The following RBMS3 variants were observed in gnomAD, a reference collection of about 807,000 sequenced individuals.
RBMS3 encodes RNA binding motif single stranded interacting protein 3, also known as RNA-binding motif, single-stranded-interacting protein 3.
RBMS3 carries 27 observed loss-of-function variants against 66.8 expected under a neutral mutation model. That is an observed-to-expected ratio of 0.40 (90% CI 0.30 to 0.56). RBMS3 has a LOEUF of 0.56. Ranked by LOEUF, RBMS3 falls within the 20% of genes least tolerant of loss-of-function variation. The pLI is 0.40. For missense variants in RBMS3, 513 were observed against 549.5 expected, an observed-to-expected ratio of 0.93 and a Z score of 0.66; for synonymous variants, 188 against 183.0, an observed-to-expected ratio of 1.03 and a Z score of -0.22.
At chr3:29,496,259 C>A (rs553094263) in intron 3 of RBMS3, among the ~76,000 whole-genome samples, 1 of 149,652 alleles carries the variant, frequency 6.7e-6, no homozygotes, top group South Asian at 2.1e-4. Context: ...AATTATATTT[C>A]TCTTTGGAAT....
chr3:29,541,384 C>G (rs1468530315), intron 3 of RBMS3, among the ~76,000 whole-genome samples: 2 of 152,144 alleles, frequency 1.3e-5, no homozygotes, highest in Admixed American at 1.3e-4. Context: ...CTCTGCTCTT[C>G]CAGTTGCTTA....
Position 29,654,943 on chromosome 3 carries a change from C to T in RBMS3, c.399+67738C>T, listed in dbSNP as rs975457101. Among the ~76,000 whole-genome samples the T allele has an allele frequency of 4.6e-5, 7 of 151,994 alleles. No homozygotes were observed. The South Asian group carries it at 6.2e-4, about 14-fold the overall frequency. On this transcript the variant is annotated intron_variant, in intron 4 of 14. Coordinates refer to ENST00000383767, the MANE Select transcript of RBMS3 (RefSeq NM_001003793.3). ...TAAAGGCAGTACTAGCCAAAGAAAA[C>T]GTGACCTGATAGAGATTGTGACTTC...
intron 3 of RBMS3, among the ~76,000 whole-genome samples, chr3:29,571,672 T>C (rs1394661444): frequency 6.6e-6 from 1 of 152,194 alleles, no homozygotes; most frequent in East Asian, 1.9e-4. Context: ...TTTTGGTTAC[T>C]ATAGCTCTGT....
intron 2 of RBMS3, among the ~76,000 whole-genome samples, chr3:29,469,838 A>G (rs1194616461): frequency 6.6e-6 from 1 of 150,876 alleles, no homozygotes; most frequent in South Asian, 2.1e-4. Flanking sequence ...TAAGCCATGT[A>G]TTCTTTAAAT....
chr3:29,613,199 C>T (rs376573707), intron 4 of RBMS3, among the ~76,000 whole-genome samples: 1 of 152,110 alleles, frequency 6.6e-6, no homozygotes, highest in African/African-American at 2.4e-5. Flanking sequence ...TGGATATATA[C>T]CCAGTGGTGA....
intron 4 of RBMS3, among the ~76,000 whole-genome samples, chr3:29,728,593 A>G (rs1221543487): frequency 1.3e-5 from 2 of 152,154 alleles, no homozygotes; most frequent in Non-Finnish European, 2.9e-5. Flanking sequence ...CTAACATGGC[A>G]TTAATAAACT....
intron 1 of RBMS3, among the ~76,000 whole-genome samples, chr3:29,324,466 G>A (rs575579272): frequency 6.6e-6 from 1 of 152,264 alleles, no homozygotes; most frequent in African/African-American, 2.4e-5. Context: ...CGTGGCCTCC[G>A]CCTGGATGAC....
At chr3:29,836,664 T>C (rs2058515613) in intron 6 of RBMS3, among the ~76,000 whole-genome samples, 1 of 151,944 alleles carries the variant, frequency 6.6e-6, no homozygotes, top group Non-Finnish European at 1.5e-5. Flanking sequence ...AATAATATAT[T>C]GGATACTTGA....
chr3:29,570,363 T>C (rs2046908109), intron 3 of RBMS3, among the ~76,000 whole-genome samples: 1 of 152,116 alleles, frequency 6.6e-6, no homozygotes. Context: ...AATGTACAAT[T>C]AAATTATTTT....
chr3:29,614,906 T>G (rs2048611643), intron 4 of RBMS3: 1 of 152,236 alleles, frequency 6.6e-6, no homozygotes, highest in South Asian at 2.1e-4. Flanking sequence ...AAGGGAGTAG[T>G]AGAATATCAC....
chr3:29,843,718 G>A (rs1327733706), intron 6 of RBMS3, among the ~76,000 whole-genome samples: 1 of 152,062 alleles, frequency 6.6e-6, no homozygotes, highest in Non-Finnish European at 1.5e-5. Flanking sequence ...ACTTTGGGAG[G>A]CCAGGAGGGG....
chr3:29,987,984 T>A, intron 12 of RBMS3, 159 bp from the exon 13 acceptor site: 1 of 591,728 alleles, frequency 1.7e-6, no homozygotes, highest in Non-Finnish European at 3.0e-6. Flanking sequence ...GGCCTTTCAA[T>A]ACAGAGAGGA....
chr3:29,284,373 A>G (rs1279585579), intron 1 of RBMS3, among the ~76,000 whole-genome samples: 3 of 152,034 alleles, frequency 2.0e-5, no homozygotes, highest in Non-Finnish European at 2.9e-5. Flanking sequence ...TTTTTTGGGG[A>G]AAATCTTCAT....
intron 6 of RBMS3, among the ~76,000 whole-genome samples, chr3:29,829,001 TC>T (rs1490963875): frequency 0.44 from 61,084 of 140,294 alleles, 13,261 homozygotes; most frequent in Non-Finnish European, 0.48. Flanking sequence ...TTTCTTTCTT[TC>T]TTTCTTTCTT....
intron 10 of RBMS3, among the ~76,000 whole-genome samples, chr3:29,927,863 G>A (rs1260688577): frequency 6.6e-6 from 1 of 152,122 alleles, no homozygotes; most frequent in Non-Finnish European, 1.5e-5. Flanking sequence ...TGCTGAAACA[G>A]AGTAGAAAGC....
At chr3:29,530,978 C>G (rs992753781) in intron 3 of RBMS3, among the ~76,000 whole-genome samples, 3 of 152,132 alleles carry the variant, frequency 2.0e-5, no homozygotes, top group Non-Finnish European at 4.4e-5. Flanking sequence ...TCAGAATACC[C>G]TTTCCTCTCA....
At chr3:29,427,135 T>A (rs1426743522) in intron 1 of RBMS3, among the ~76,000 whole-genome samples, 1 of 152,220 alleles carries the variant, frequency 6.6e-6, no homozygotes, top group Non-Finnish European at 1.5e-5. Flanking sequence ...TTTTATTGCT[T>A]ATTTCCATAT....
intron 5 of RBMS3, 94 bp from the exon 6 acceptor site, chr3:29,762,816 C>T: frequency 2.3e-6 from 2 of 864,928 alleles, no homozygotes; most frequent in South Asian, 1.6e-5. Flanking sequence ...ATTCTCAAAT[C>T]AAGTATTTCT....
At chr3:29,996,730 A>G (rs1055503379) in intron 14 of RBMS3, among the ~76,000 whole-genome samples, 4 of 152,234 alleles carry the variant, frequency 2.6e-5, no homozygotes, top group Admixed American at 6.5e-5. Context: ...AAGAACAAAG[A>G]CACAACATAC....
Sources: allele counts gnomAD v4.1 joint callset (sites outside exome capture counted in the v4.1 genomes callset), GRCh38; gene constraint gnomAD v4.1.1; transcripts MANE v1.5; gene names NCBI Gene and HGNC (gene_info 2026-07-23, HGNC 2026-07-21).